CRMP1: variants seen among roughly 807,000 people sequenced by gnomAD.
The protein encoded by CRMP1 is collapsin response mediator protein 1.
A neutral mutation model predicts 68.3 loss-of-function variants in CRMP1; 19 were observed. That is an observed-to-expected ratio of 0.28 (90% confidence interval 0.19 to 0.41). The LOEUF (loss-of-function observed/expected upper bound fraction) is 0.41, where lower values mean the gene tolerates loss of function less well. Ranked by LOEUF, CRMP1 falls within the 10% of genes least tolerant of loss-of-function variation. The pLI, the probability that CRMP1 is intolerant of heterozygous loss-of-function variation, is 1.00. For synonymous variants in CRMP1, 439 were observed against 399.6 expected, an observed-to-expected ratio of 1.10 and a Z score of -1.18; for missense variants, 791 against 967.4, an observed-to-expected ratio of 0.82 and a Z score of 2.42.
At position 5,835,904 on chromosome 4, in the gene CRMP1, C is replaced by T; in HGVS notation, c.1623+11G>A. ...CACTTATCTCAGCAGCACAAATAGG[C>T]CAGGACTTACCGACTTGTGACTTTT... On this transcript the variant is annotated intron_variant, in intron 11 of 13. Coordinates refer to ENST00000324989, the MANE Select transcript of CRMP1 (RefSeq NM_001014809.3). 6.6e-7 allele frequency: 1 copy of T among 1,519,302 alleles called. No homozygotes were observed. Among genetic ancestry groups the T allele is most frequent in the South Asian group, 1.3e-5 (1 of 74,412 alleles). The allele number at this position is 1,519,302 out of a possible 1,614,324, so 94.1% of individuals were successfully genotyped here.
At position 5,892,681 on chromosome 4, in the gene CRMP1, T is replaced by C. The variant is rs917146967; in HGVS notation, c.289A>G (p.Ser97Gly). ...DVSEPSGSAVSSPGERDERPP... is the reference protein window; with the variant it reads ...DVSEPSGSAVGSPGERDERPP... ...CGCTCGTCGCGCTCTCCGGGAGAGCTGACCGCGGAGCCCGAGGGCTCGCTC... is the reference window on the plus strand; with the variant it reads ...CGCTCGTCGCGCTCTCCGGGAGAGCCGACCGCGGAGCCCGAGGGCTCGCTC... The change falls in exon 1 of 14, where the codon AGC becomes GGC. Residue 97 changes from serine to glycine, a missense_variant. Around this residue, in one of 3 missense-constraint regions of CRMP1, gnomAD observed 193 missense variants for 186.3 expected, o/e 1.04. Coordinates refer to ENST00000324989, the MANE Select transcript of CRMP1 (RefSeq NM_001014809.3). This position sits in a 1 kb window ranked among gnomAD's most constrained non-coding sequence, Gnocchi z 8.6. The C allele has an allele frequency of 1.1e-5, 13 of 1,217,340 alleles. No individual in the cohort carries two copies. In the African/African-American group the frequency reaches 1.8e-4, roughly 16 times the overall value. 75.4% of individuals were successfully genotyped at this position (1,217,340 alleles called of 1,614,324 possible).
At chr4:5,885,801 T>C (rs1715544824) in intron 1 of CRMP1, among the ~76,000 whole-genome samples, 1 of 152,200 alleles carries the variant, frequency 6.6e-6, no homozygotes, top group Non-Finnish European at 1.5e-5. Context: ...CTTCCCACTC[T>C]TCCTGGCACC....
At chr4:5,886,627 C>T (rs1308879869) in intron 1 of CRMP1, among the ~76,000 whole-genome samples, 1 of 152,218 alleles carries the variant, frequency 6.6e-6, no homozygotes, top group African/African-American at 2.4e-5. Context: ...AGACTGGGGA[C>T]CTGAGAGCAG....
chr4:5,828,175 G>A, intron 12 of CRMP1: 1 of 985,426 alleles, frequency 1.0e-6, no homozygotes, highest in African/African-American at 1.7e-5. Flanking sequence ...TGGGTGGGCA[G>A]GATTACTTAA....
chr4:5,827,385 A>G (rs1156329845), intron 12 of CRMP1, among the ~76,000 whole-genome samples: 1 of 152,132 alleles, frequency 6.6e-6, no homozygotes, highest in Non-Finnish European at 1.5e-5. Context: ...CATCCAGTGC[A>G]AAGCATCTGT....
intron 12 of CRMP1, among the ~76,000 whole-genome samples, chr4:5,827,234 G>C (rs781603885): frequency 7.2e-5 from 11 of 152,226 alleles, no homozygotes; most frequent in Non-Finnish European, 1.3e-4. Context: ...AGGAAATGAA[G>C]CCAGCCAAGG....
chr4:5,849,563 C>A, intron 5 of CRMP1, 91 bp from the exon 6 acceptor site: 1 of 794,132 alleles, frequency 1.3e-6, no homozygotes, highest in Non-Finnish European at 2.1e-6. Context: ...CGATCACACC[C>A]ATTCGGTCAT....
rs1720848439 is a variant in CRMP1 at position 5,838,067 on chromosome 4, G to A, written c.1311-1161C>T. Among the ~76,000 whole-genome samples, 2 of 152,202 alleles carry A rather than the reference G, an allele frequency of 1.3e-5. No homozygotes were observed. The highest frequency in any genetic ancestry group is 2.9e-5 in the Non-Finnish European group (2 of 68,048). ...GGCGTGCTGGGGACAGGCTGGAGAT[G>A]CCATTTCCAGGAGGATAATCAGAAA... On this transcript the variant is annotated intron_variant, in intron 9 of 13. Transcript: ENST00000324989. The surrounding 1 kb of genome is among the most constrained non-coding windows in gnomAD (Gnocchi z 4.9).
rs1716011198 is a variant in CRMP1 at position 5,892,752 on chromosome 4, A to G, written c.218T>C (p.Val73Ala). ...TPRSAGRPDA[V>A]GLPGPGGSED... ...GCTGCCTCCCGGCCCTGGCAGCCCG[A>G]CCGCGTCGGGCCGGCCAGCGCTGCG... Residue 73 changes from valine to alanine, a missense_variant, in exon 1 of 14, where the codon GTC (valine) becomes GCC (alanine). Physicochemically the swap from Val to Ala is moderately conservative, Grantham distance 64 (BLOSUM62 0). Around this residue, in one of 3 missense-constraint regions of CRMP1, gnomAD observed 193 missense variants for 186.3 expected, o/e 1.04. Transcript: ENST00000324989. The surrounding 1 kb of genome is among the most constrained non-coding windows in gnomAD (Gnocchi z 8.6). The G allele has an allele frequency of 8.1e-7, 1 of 1,227,590 alleles. No individual in the cohort carries two copies. The highest frequency in any genetic ancestry group is 1.0e-6 in the Non-Finnish European group (1 of 986,690). 76.0% of individuals were successfully genotyped at this position (1,227,590 alleles called of 1,614,324 possible).
Position 5,868,257 on chromosome 4 carries a change from ATATC to A in CRMP1, c.382-1505_382-1502del, listed in dbSNP as rs1201999131. 8.8e-3 allele frequency among the ~76,000 whole-genome samples: 726 copies of A among 82,284 alleles called. 15 individuals are homozygous for A. The highest frequency in any genetic ancestry group is 0.014 in the Non-Finnish European group (525 of 38,496). 54.0% of individuals were successfully genotyped at this position (82,284 alleles called of 152,430 possible). A position where few individuals can be genotyped will look rare whatever the true frequency, so the allele number is the denominator to read the frequency against. On this transcript the variant is annotated intron_variant, in intron 1 of 13. Transcript: ENST00000324989. ...CTTGCCGCACATTCTTCATGACTATATATCTATATATATATATATATATATATAT... is the reference window on the plus strand; with the variant it reads ...CTTGCCGCACATTCTTCATGACTATATATATATATATATATATATATATAT...
At chr4:5,856,094 C>G (rs1713033139) in intron 4 of CRMP1, 49 bp downstream of exon 4, 9 of 1,601,886 alleles carry the variant, frequency 5.6e-6, no homozygotes, top group Non-Finnish European at 7.7e-6. Flanking sequence ...TTTGGATCTA[C>G]CAAAGAACAA....
intron 1 of CRMP1, among the ~76,000 whole-genome samples, chr4:5,874,427 C>T (rs563612181): frequency 9.2e-5 from 14 of 152,216 alleles, no homozygotes; most frequent in Non-Finnish European, 1.9e-4. Context: ...GATCTAACCG[C>T]CAGTATAATG....
Position 5,821,966 on chromosome 4 carries a change from T to G in CRMP1, c.1970-115A>C, listed in dbSNP as rs1432811646. 2.5e-6 allele frequency: 2 copies of G among 813,020 alleles called. No individual in the cohort carries two copies. The highest frequency in any genetic ancestry group is 5.1e-5 in the Admixed American group (2 of 39,540). 50.4% of individuals were successfully genotyped at this position (813,020 alleles called of 1,614,324 possible). ...CACTGGACCCACCTTCATTCAGGGC[T>G]CAGTCCAGGACCAGCCATGGGAAGC... On this transcript the variant is annotated intron_variant, in intron 13 of 13. Coordinates refer to ENST00000324989, the MANE Select transcript of CRMP1 (RefSeq NM_001014809.3). This position sits in a 1 kb window ranked among gnomAD's most constrained non-coding sequence, Gnocchi z 4.4.
intron 1 of CRMP1, among the ~76,000 whole-genome samples, chr4:5,878,779 G>C (rs537344778): frequency 6.6e-6 from 1 of 152,012 alleles, no homozygotes; most frequent in African/African-American, 2.4e-5. Flanking sequence ...ATTAACCCAC[G>C]GATAGCACTT....
In CRMP1 at chr4:5,838,947, T is replaced by C. The variant is rs112981913; in HGVS notation, c.1310+575A>G. Among the ~76,000 whole-genome samples, 70 of 152,328 alleles carry C rather than the reference T, an allele frequency of 4.6e-4. No individual in the cohort carries two copies. The highest frequency in any genetic ancestry group is 1.5e-3 in the African/African-American group (64 of 41,570). On this transcript the variant is annotated intron_variant, in intron 9 of 13. Coordinates refer to ENST00000324989, the MANE Select transcript of CRMP1 (RefSeq NM_001014809.3). The surrounding 1 kb of genome is among the most constrained non-coding windows in gnomAD (Gnocchi z 4.9). ...GCGGCCTGGACACTTAGCCTCGCTG[T>C]GTGGCCCTGCTATTGCTAAGTGCTC... is the stretch of plus-strand genomic sequence containing the variant.
In CRMP1 at chr4:5,870,543, G is replaced by A. The variant is rs137900208; in HGVS notation, c.382-3787C>T. On this transcript the variant is annotated intron_variant, in intron 1 of 13. Transcript: ENST00000324989. This position sits in a 1 kb window ranked among gnomAD's most constrained non-coding sequence, Gnocchi z 6.0. ...CCGTTTTCTTCACTGCTGTCTCTCC[G>A]GCATCTTGGACACAGCCTGGCTGGC... Among the ~76,000 whole-genome samples the A allele has an allele frequency of 2.5e-3, 382 of 152,316 alleles. 2 individuals carry two copies. Among genetic ancestry groups the A allele is most frequent in the African/African-American group, 8.8e-3 (367 of 41,588 alleles).
rs1226519606 is a variant in CRMP1 at position 5,871,471 on chromosome 4, T to C, written c.382-4715A>G. ...GTCAGGAGATCAAGACCATCCTGGC[T>C]AACATGGTGAAACCCCGTCTGTACT... On this transcript the variant is annotated intron_variant, in intron 1 of 13. Transcript: ENST00000324989. Among the ~76,000 whole-genome samples, 6 of 152,030 alleles carry C rather than the reference T, an allele frequency of 3.9e-5. No individual in the cohort carries two copies. The East Asian group carries it at 9.7e-4, about 25-fold the overall frequency.
chr4:5,851,189 C>T (rs1183630619), intron 5 of CRMP1, among the ~76,000 whole-genome samples: 6 of 152,222 alleles, frequency 3.9e-5, no homozygotes, highest in Non-Finnish European at 7.3e-5. Flanking sequence ...AGCCACCAAA[C>T]CAGGGAACCC....
intron 11 of CRMP1, among the ~76,000 whole-genome samples, chr4:5,831,719 TGGTCATATCA>T: frequency 6.6e-6 from 1 of 152,352 alleles, no homozygotes; most frequent in Admixed American, 6.5e-5. Context: ...GAGGAGGCCC[TGGTCATATCA>T]CAAATGCCAC....
Sources: gnomAD v4.1 joint callset for allele counts (sites outside exome capture counted in the v4.1 genomes callset) on GRCh38, gnomAD v4.1.1 for gene constraint, gnomAD v4.1.1 regional missense constraint, Gnocchi (gnomAD v3.1) non-coding constraint, MANE v1.5 for transcripts, NCBI Gene and HGNC (gene_info 2026-07-23, HGNC 2026-07-21) for gene names.